The following CSMD1 variants were observed in gnomAD, a reference collection of about 807,000 sequenced individuals.
The protein encoded by CSMD1 is CUB and Sushi multiple domains 1, also known as CUB and sushi domain-containing protein 1.
CSMD1 carries 213 observed loss-of-function variants against 417.5 expected under a neutral mutation model. That is an observed-to-expected ratio of 0.51 (90% confidence interval 0.46 to 0.57). The LOEUF is 0.57. Ranked by LOEUF, CSMD1 falls within the 20% of genes least tolerant of loss-of-function variation. CSMD1 has a pLI of 0.00. For synonymous variants in CSMD1, 2,862 were observed against 1,736.8 expected (o/e 1.65, Z -16.11); for missense variants, 6,923 against 4,529.7 (o/e 1.53, Z -15.17).
At chr8:4,697,826 C>T (rs1174637055) in intron 1 of CSMD1, among the ~76,000 whole-genome samples, 1 of 152,140 alleles carries the variant, frequency 6.6e-6, no homozygotes, top group Admixed American at 6.5e-5. Context: ...AACACTAAGC[C>T]ATAATTTCAA....
At chr8:3,485,117 C>T (rs912762057) in intron 11 of CSMD1, among the ~76,000 whole-genome samples, 2 of 152,140 alleles carry the variant, frequency 1.3e-5, no homozygotes, top group Non-Finnish European at 2.9e-5. Context: ...ACACAAATGT[C>T]ATAGTAGCTT....
intron 5 of CSMD1, among the ~76,000 whole-genome samples, chr8:3,831,478 G>A (rs9650513): frequency 6.6e-6 from 1 of 152,024 alleles, no homozygotes; most frequent in Non-Finnish European, 1.5e-5. Context: ...ATGATATTGA[G>A]GTACTGAAGC....
At chr8:3,312,379 T>G (rs1234149759) in intron 23 of CSMD1, among the ~76,000 whole-genome samples, 1 of 152,210 alleles carries the variant, frequency 6.6e-6, no homozygotes, top group Non-Finnish European at 1.5e-5. Context: ...ACAGCATCAT[T>G]AAATTTATTA....
chr8:3,671,789 C>A (rs1211853120), intron 7 of CSMD1, among the ~76,000 whole-genome samples: 1 of 151,784 alleles, frequency 6.6e-6, no homozygotes, highest in Non-Finnish European at 1.5e-5. Flanking sequence ...TTGGAAAGAG[C>A]AGCCCTGGGC....
intron 52 of CSMD1, among the ~76,000 whole-genome samples, chr8:3,016,191 C>T (rs74438457): frequency 0.036 from 5,436 of 152,270 alleles, 130 homozygotes; most frequent in African/African-American, 0.073. Context: ...TTATAACCTG[C>T]CTCCAAATAT....
chr8:4,178,916 T>C (rs555305655), intron 3 of CSMD1, among the ~76,000 whole-genome samples: 2 of 151,964 alleles, frequency 1.3e-5, no homozygotes, highest in Admixed American at 6.6e-5. Context: ...CACTGCTCAA[T>C]GAAATAAGAG....
intron 20 of CSMD1, 80 bp downstream of exon 20, chr8:3,366,952 A>ACACACC (rs1225570104): frequency 9.3e-7 from 1 of 1,072,766 alleles, no homozygotes; most frequent in African/African-American, 1.6e-5. Flanking sequence ...ACACACACAC[A>ACACACC]CACACCCACA....
intron 1 of CSMD1, among the ~76,000 whole-genome samples, chr8:4,904,473 C>G (rs1805105144): frequency 6.6e-6 from 1 of 152,126 alleles, no homozygotes; most frequent in Admixed American, 6.6e-5. Flanking sequence ...CAAAGTCAAA[C>G]AGCTGGTAGG....
intron 2 of CSMD1, among the ~76,000 whole-genome samples, chr8:4,441,246 G>C (rs369993966): frequency 7.0e-6 from 1 of 143,446 alleles, no homozygotes; most frequent in African/African-American, 2.6e-5. Context: ...CTACAGGCCT[G>C]AGCACTACAC....
chr8:4,674,375 G>C (rs1186712539), intron 1 of CSMD1, among the ~76,000 whole-genome samples: 1 of 152,132 alleles, frequency 6.6e-6, no homozygotes, highest in Non-Finnish European at 1.5e-5. Flanking sequence ...GCCAGGATAG[G>C]TTGAAAAAAA....
intron 7 of CSMD1, among the ~76,000 whole-genome samples, chr8:3,693,829 G>A (rs889848647): frequency 6.6e-6 from 1 of 151,040 alleles, no homozygotes; most frequent in African/African-American, 2.4e-5. Flanking sequence ...GTTATGGTGT[G>A]TGTGTTGTGT....
At chr8:3,422,047 C>T (rs879856231) in intron 12 of CSMD1, among the ~76,000 whole-genome samples, 1 of 152,162 alleles carries the variant, frequency 6.6e-6, no homozygotes, top group African/African-American at 2.4e-5. Flanking sequence ...CCACCATGTC[C>T]AGCCCTGATG....
chr8:4,606,744 A>C (rs1355429271), intron 2 of CSMD1, among the ~76,000 whole-genome samples: 1 of 152,196 alleles, frequency 6.6e-6, no homozygotes, highest in Non-Finnish European at 1.5e-5. Flanking sequence ...TCTAATAAAG[A>C]CCTTTTATGA....
intron 4 of CSMD1, among the ~76,000 whole-genome samples, chr8:4,012,007 T>C (rs1199006284): frequency 1.3e-5 from 2 of 148,590 alleles, no homozygotes; most frequent in African/African-American, 2.4e-5. Flanking sequence ...TACTGTATTG[T>C]TTAGGTAATA....
At position 3,754,033 on chromosome 8, in the gene CSMD1, G is replaced by C; in HGVS notation, c.828C>G (p.Gly276=). The C allele has an allele frequency of 6.2e-7, 1 of 1,610,826 alleles. No homozygotes were observed. The change falls in exon 6 of 70, where the codon GGC becomes GGG. Residue 276 remains glycine, a synonymous_variant. Coordinates refer to ENST00000635120, the MANE Select transcript of CSMD1 (RefSeq NM_033225.6). ...GTEAPSIWLT[G]MNLPSPVISS... ...TGATAACTGGAGAGGGGAGGTTCAT[G>C]CCAGTTAGCCTAGAGAAGAGAAAGA...
intron 5 of CSMD1, among the ~76,000 whole-genome samples, chr8:3,833,750 T>C (rs1477181628): frequency 6.6e-6 from 1 of 152,152 alleles, no homozygotes; most frequent in African/African-American, 2.4e-5. Flanking sequence ...GGATAATTTT[T>C]AAAATGTGGC....
At chr8:3,174,289 T>G (rs1338187913) in intron 37 of CSMD1, among the ~76,000 whole-genome samples, 1 of 152,020 alleles carries the variant, frequency 6.6e-6, no homozygotes, top group Non-Finnish European at 1.5e-5. Flanking sequence ...AGCTCAGGAG[T>G]TGGAGACTAG....
chr8:4,184,132 T>G (rs570906873), intron 3 of CSMD1, among the ~76,000 whole-genome samples: 1 of 152,172 alleles, frequency 6.6e-6, no homozygotes, highest in South Asian at 2.1e-4. Context: ...AAAACTTCAT[T>G]AAAATATATA....
chr8:4,312,393 A>G (rs1798665079), intron 3 of CSMD1, among the ~76,000 whole-genome samples: 1 of 22,752 alleles, frequency 4.4e-5, no homozygotes, highest in African/African-American at 9.1e-5. Flanking sequence ...ATATATATAT[A>G]CATACATATA....
Sources: allele counts gnomAD v4.1 joint callset (sites outside exome capture counted in the v4.1 genomes callset), GRCh38; gene constraint gnomAD v4.1.1; transcripts MANE v1.5; gene names NCBI Gene and HGNC (gene_info 2026-07-23, HGNC 2026-07-21).